The following PER3 variants were observed in gnomAD, a reference collection of about 807,000 sequenced individuals.
PER3 encodes period circadian protein homolog 3.
In PER3, 107 loss-of-function variants were observed where a neutral mutation model predicts 127.2. That is an observed-to-expected ratio of 0.84 (90% CI 0.72 to 0.99). The LOEUF is 0.99. PER3 is among the 50% of genes least tolerant of loss of function. The probability of loss-of-function intolerance (pLI) is 0.00; values close to 1 mark genes in which losing one functional copy is unlikely to be tolerated. For missense variants in PER3, 1,560 were observed against 1,525.8 expected, an observed-to-expected ratio of 1.02 and a Z score of -0.37; for synonymous variants, 618 against 585.8, an observed-to-expected ratio of 1.05 and a Z score of -0.79.
chr1:7,838,429 G>C (rs2097368421), intron 21 of PER3, among the ~76,000 whole-genome samples: 1 of 151,308 alleles, frequency 6.6e-6, no homozygotes, highest in East Asian at 1.9e-4. Flanking sequence ...TTTTTTTTGA[G>C]ACAAAGTTTT....
chr1:7,814,509 G>A (rs563932067), intron 13 of PER3, among the ~76,000 whole-genome samples: 87 of 151,986 alleles, frequency 5.7e-4, no homozygotes, highest in Non-Finnish European at 1.1e-3. Context: ...GAAAATAAAG[G>A]TGATATAAAG....
At chr1:7,787,398 G>T (rs2097096924) in intron 4 of PER3, 2 of 337,046 alleles carry the variant, frequency 5.9e-6, no homozygotes, top group Non-Finnish European at 5.8e-6. Flanking sequence ...GTTACTTAAA[G>T]ATTTTGTAAT....
At chr1:7,796,479 T>C (rs958966710) in intron 6 of PER3, among the ~76,000 whole-genome samples, 43 of 152,152 alleles carry the variant, frequency 2.8e-4, no homozygotes, top group African/African-American at 1.0e-3. Context: ...CCGCCACAGC[T>C]AATTTTTATA....
At chr1:7,808,308 G>C (rs530186641) in intron 10 of PER3, among the ~76,000 whole-genome samples, 23 of 148,426 alleles carry the variant, frequency 1.5e-4, no homozygotes, top group African/African-American at 4.2e-4. Context: ...GTAAACATCA[G>C]TTCCTTCCCT....
At chr1:7,806,812 A>AAATATATAT (rs61141023) in intron 10 of PER3, among the ~76,000 whole-genome samples, 47 of 60,628 alleles carry the variant, frequency 7.8e-4, no homozygotes, top group African/African-American at 2.9e-3. Context: ...AAAAAAAAAA[A>AAATATATAT]ATATATATAT....
At chr1:7,841,573 C>T (rs1176751425) in intron 21 of PER3, among the ~76,000 whole-genome samples, 1 of 152,122 alleles carries the variant, frequency 6.6e-6, no homozygotes, top group Non-Finnish European at 1.5e-5. Flanking sequence ...AAGTTGCAGG[C>T]GTTCAGATAG....
At chr1:7,831,939 A>G (rs2097333249) in intron 19 of PER3, among the ~76,000 whole-genome samples, 1 of 152,142 alleles carries the variant, frequency 6.6e-6, no homozygotes, top group Non-Finnish European at 1.5e-5. Context: ...TGTTTTCTGG[A>G]AGAGTTTGTG....
intron 13 of PER3, among the ~76,000 whole-genome samples, chr1:7,816,643 GAGAA>G (rs1237810590): frequency 0.011 from 1,603 of 152,280 alleles, 36 homozygotes; most frequent in African/African-American, 0.036. Context: ...ACACATCTGT[GAGAA>G]TGGCTAAGTT....
chr1:7,788,760 C>T (rs907695023), intron 5 of PER3, among the ~76,000 whole-genome samples: 5 of 152,026 alleles, frequency 3.3e-5, no homozygotes, highest in African/African-American at 7.2e-5. Context: ...AAAAATTAGT[C>T]AGGCATGGTA....
At chr1:7,834,931 T>G (rs1405524373) in intron 19 of PER3, among the ~76,000 whole-genome samples, 1 of 152,180 alleles carries the variant, frequency 6.6e-6, no homozygotes, top group Non-Finnish European at 1.5e-5. Context: ...CCATAAGGCT[T>G]CATATCAGCC....
At chr1:7,809,868 G>C (rs1361152741) in intron 11 of PER3, 25 bp from the exon 12 acceptor site, 1 of 1,610,566 alleles carries the variant, frequency 6.2e-7, no homozygotes, top group Non-Finnish European at 8.5e-7. Context: ...AGCAATTCTG[G>C]ACTTGTTCCT....
chr1:7,829,343 C>T (rs1442280623), intron 18 of PER3, among the ~76,000 whole-genome samples: 2 of 152,178 alleles, frequency 1.3e-5, no homozygotes, highest in Non-Finnish European at 2.9e-5. Context: ...ATAGAAGATT[C>T]GTTTTTGCCT....
intron 1 of PER3, 70 bp from the exon 2 acceptor site, chr1:7,784,584 G>C (rs949310640): frequency 1.1e-5 from 3 of 261,298 alleles, no homozygotes; most frequent in Middle Eastern, 1.1e-3. Flanking sequence ...GGGCGCCCCA[G>C]CCAGCCGGGC....
At position 7,787,049 on chromosome 1, in the gene PER3, C is replaced by T. The variant is rs1284303471; in HGVS notation, c.390+213C>T. On this transcript the variant is annotated intron_variant, in intron 4 of 21. Coordinates refer to ENST00000377532, the MANE Select transcript of PER3 (RefSeq NM_001377275.1). ...GCAGCCCGTTCTGTGTGCTGTGCAG[C>T]TCAGTGACTTTGGTTATGAGGTGCT... 6.5e-6 allele frequency: 3 copies of T among 459,444 alleles called. No individual in the cohort carries two copies. The South Asian group carries it at 1.1e-4, about 17-fold the overall frequency. The allele number at this position is 459,444 out of a possible 1,614,324, so 28.5% of individuals were successfully genotyped here.
At chr1:7,816,102 T>G (rs983566678) in intron 13 of PER3, among the ~76,000 whole-genome samples, 1 of 150,294 alleles carries the variant, frequency 6.7e-6, no homozygotes, top group African/African-American at 2.5e-5. Flanking sequence ...CAGCACTGAG[T>G]GTTTATATGG....
intron 18 of PER3, 118 bp from the exon 19 acceptor site, chr1:7,829,716 G>C (rs1289586060): frequency 1.3e-6 from 1 of 765,212 alleles, no homozygotes; most frequent in African/African-American, 1.8e-5. Context: ...ACTATTTTTG[G>C]ACCTTGGTTG....
At chr1:7,832,365 T>C (rs1281245561) in intron 19 of PER3, among the ~76,000 whole-genome samples, 1 of 113,348 alleles carries the variant, frequency 8.8e-6, no homozygotes, top group African/African-American at 3.4e-5. Context: ...TGATTTATGC[T>C]CTTTTTTTTT....
chr1:7,793,234 ACATATAGTCAACAAACACTGGG>A (rs1558389591), intron 5 of PER3, among the ~76,000 whole-genome samples: 1 of 152,248 alleles, frequency 6.6e-6, no homozygotes, highest in African/African-American at 2.4e-5. Flanking sequence ...CAGAGGAAAT[ACATATAGTCAACAAACACTGGG>A]CAGAAATTTC....
intron 12 of PER3, 121 bp downstream of exon 12, chr1:7,810,142 T>A: frequency 9.9e-7 from 1 of 1,012,626 alleles, no homozygotes; most frequent in Non-Finnish European, 1.5e-6. Flanking sequence ...ATAACAGATA[T>A]TTTCATCCAT....
Sources: allele counts gnomAD v4.1 joint callset (sites outside exome capture counted in the v4.1 genomes callset), GRCh38; gene constraint gnomAD v4.1.1; transcripts MANE v1.5; gene names NCBI Gene and HGNC (gene_info 2026-07-23, HGNC 2026-07-21).